TOPBP1: variants seen among roughly 807,000 people sequenced by gnomAD.
TOPBP1 encodes DNA topoisomerase 2-binding protein 1.
Under a neutral mutation model 167.7 loss-of-function variants are expected in TOPBP1, and 28 were observed. The observed-to-expected ratio is 0.17, with a 90% CI of 0.12 to 0.23. TOPBP1 has a LOEUF of 0.23. Among genes scored for constraint, TOPBP1 ranks in the 10% least tolerant of loss-of-function variants. The pLI, the probability that TOPBP1 is intolerant of heterozygous loss-of-function variation, is 1.00. For missense variants in TOPBP1, 1,554 were observed against 1,809.6 expected, an observed-to-expected ratio of 0.86 and a Z score of 2.56; for synonymous variants, 598 against 611.4, an observed-to-expected ratio of 0.98 and a Z score of 0.32.
intron 17 of TOPBP1, 141 bp from the exon 18 acceptor site, chr3:133,623,598 CT>C: frequency 1.0e-6 from 1 of 962,398 alleles, no homozygotes; most frequent in Non-Finnish European, 1.4e-6. Flanking sequence ...GTAGTTTACA[CT>C]GAAAAATTTG....
intron 9 of TOPBP1, 24 bp from the exon 10 acceptor site, chr3:133,649,657 G>A: frequency 3.1e-6 from 5 of 1,609,880 alleles, no homozygotes; most frequent in South Asian, 1.1e-5. Context: ...ACATAGTTAT[G>A]TATTAGTGCA....
Position 133,649,639 on chromosome 3 carries a change from A to G in TOPBP1, c.1254-6T>C. On this transcript the variant is annotated splice_region_variant and splice_polypyrimidine_tract_variant and intron_variant, in intron 9 of 27. Transcript: ENST00000260810. ...TTGCTCCCACTACATGAGGCCTACA[A>G]AAATAGCACATAGTTATGTATTAGT... The G allele has an allele frequency of 6.2e-7, 1 of 1,612,696 alleles. No individual in the cohort carries two copies. Among genetic ancestry groups the G allele is most frequent in the Non-Finnish European group, 8.5e-7 (1 of 1,179,360 alleles).
chr3:133,639,792 T>C (rs995521026), intron 13 of TOPBP1, among the ~76,000 whole-genome samples, 167 bp downstream of exon 13: 1 of 152,084 alleles, frequency 6.6e-6, no homozygotes, highest in Non-Finnish European at 1.5e-5. Context: ...CAACAGTAAA[T>C]AGGAGCCAAG....
At chr3:133,642,179 T>C (rs1185466007) in intron 12 of TOPBP1, among the ~76,000 whole-genome samples, 1 of 152,074 alleles carries the variant, frequency 6.6e-6, no homozygotes, top group Non-Finnish European at 1.5e-5. Context: ...ATTTTTTAAA[T>C]AGAGACGAGG....
intron 17 of TOPBP1, among the ~76,000 whole-genome samples, 199 bp from the exon 18 acceptor site, chr3:133,623,656 A>G (rs1935173105): frequency 6.6e-6 from 1 of 152,244 alleles, no homozygotes; most frequent in Admixed American, 6.5e-5. Flanking sequence ...TGTCATATCC[A>G]CTGAAGTATA....
chr3:133,636,341 C>T (rs1156461415), intron 14 of TOPBP1, among the ~76,000 whole-genome samples: 1 of 151,484 alleles, frequency 6.6e-6, no homozygotes, highest in East Asian at 1.9e-4. Context: ...TTCCATGGGC[C>T]CTTTCATGTT....
At chr3:133,646,163 C>A in intron 10 of TOPBP1, among the ~76,000 whole-genome samples, 1 of 151,696 alleles carries the variant, frequency 6.6e-6, no homozygotes, top group East Asian at 1.9e-4. Context: ...AAACAAAAAA[C>A]TCCCTTAAAT....
intron 21 of TOPBP1, 122 bp from the exon 22 acceptor site, chr3:133,617,448 G>T: frequency 8.8e-7 from 1 of 1,142,346 alleles, no homozygotes; most frequent in Non-Finnish European, 1.2e-6. Flanking sequence ...AATGTAAAAA[G>T]TACAGGCAAA....
At chr3:133,626,634 C>T (rs140023809) in intron 16 of TOPBP1, among the ~76,000 whole-genome samples, 2 of 152,288 alleles carry the variant, frequency 1.3e-5, no homozygotes, top group East Asian at 1.9e-4. Flanking sequence ...GTCCCCAGAT[C>T]GGTCTCAGCC....
At chr3:133,610,274 G>A (rs1417626619) in intron 25 of TOPBP1, among the ~76,000 whole-genome samples, 1 of 152,184 alleles carries the variant, frequency 6.6e-6, no homozygotes, top group Non-Finnish European at 1.5e-5. Flanking sequence ...AATCTGAGAT[G>A]AAGAGTGCTA....
intron 12 of TOPBP1, among the ~76,000 whole-genome samples, chr3:133,641,392 G>T (rs546541946): frequency 1.3e-5 from 2 of 152,128 alleles, no homozygotes; most frequent in Non-Finnish European, 2.9e-5. Flanking sequence ...CTGAGACAGG[G>T]TCTTGCTCTG....
chr3:133,616,792 G>T, intron 23 of TOPBP1, 22 bp downstream of exon 23: 1 of 1,374,166 alleles, frequency 7.3e-7, no homozygotes. Flanking sequence ...GGACATTTTG[G>T]ATTTAAGTAA....
In TOPBP1 at chr3:133,601,108, C is replaced by A; in HGVS notation, c.*142G>T. The A allele has an allele frequency of 1.6e-6, 1 of 618,008 alleles. No homozygotes were observed. The allele number at this position is 618,008 out of a possible 1,614,324, so 38.3% of individuals were successfully genotyped here. ...TGATTACAATTTCAGGTGTTCAAAACTCAAGAAGGGTCATCATTATACTCT... is the reference window on the plus strand; with the variant it reads ...TGATTACAATTTCAGGTGTTCAAAAATCAAGAAGGGTCATCATTATACTCT... On this transcript the variant is annotated 3_prime_UTR_variant, in exon 28 of 28. Transcript: ENST00000260810.
rs1468419923 is a variant in TOPBP1, at chr3:133,606,931, A to T, written c.4425+1604T>A. ...AGAAAAAAATATTAAATACACACAC[A>T]CACACCAACAAACAAACAAACAAAC... On this transcript the variant is annotated intron_variant, in intron 27 of 27. Coordinates refer to ENST00000260810, the MANE Select transcript of TOPBP1 (RefSeq NM_007027.4). 2.0e-5 allele frequency among the ~76,000 whole-genome samples: 3 copies of T among 152,286 alleles called. No individual in the cohort carries two copies. The East Asian group carries it at 5.8e-4, about 29-fold the overall frequency.
At position 133,608,522 on chromosome 3, in the gene TOPBP1, G is replaced by A. The variant is rs1272608748; in HGVS notation, c.4425+13C>T. ...TCTGGTAATGAGGAGGTCAAGGATA[G>A]AATCTCACAAACCTGCATGAGATAA... On this transcript the variant is annotated intron_variant, in intron 27 of 27. Coordinates refer to ENST00000260810, the MANE Select transcript of TOPBP1 (RefSeq NM_007027.4). The A allele has an allele frequency of 6.2e-7, 1 of 1,612,680 alleles. No individual in the cohort carries two copies. The highest frequency in any genetic ancestry group is 8.5e-7 in the Non-Finnish European group (1 of 1,179,350).
intron 27 of TOPBP1, 58 bp downstream of exon 27, chr3:133,608,477 T>A: frequency 6.3e-7 from 1 of 1,581,020 alleles, no homozygotes. Flanking sequence ...CAGTTACTTA[T>A]CTATGCACAT....
chr3:133,623,252 C>T, intron 18 of TOPBP1, 59 bp from the exon 19 acceptor site: 1 of 1,611,672 alleles, frequency 6.2e-7, no homozygotes, highest in Non-Finnish European at 8.5e-7. Flanking sequence ...GGTTTCATAG[C>T]AATATATGAT....
At chr3:133,611,167 A>C (rs1934663165) in intron 24 of TOPBP1, 26 bp from the exon 25 acceptor site, 1 of 1,601,080 alleles carries the variant, frequency 6.2e-7, no homozygotes. Flanking sequence ...AACAAACCTG[A>C]GTTGTTACAG....
chr3:133,656,921 CTA>C, intron 4 of TOPBP1, 64 bp from the exon 5 acceptor site: 1 of 1,362,914 alleles, frequency 7.3e-7, no homozygotes, highest in East Asian at 2.6e-5. Flanking sequence ...CTTTTATACA[CTA>C]TCTCATAAAT....
Sources: gnomAD v4.1 joint callset for allele counts (sites outside exome capture counted in the v4.1 genomes callset) on GRCh38, gnomAD v4.1.1 for gene constraint, MANE v1.5 for transcripts, NCBI Gene and HGNC (gene_info 2026-07-23, HGNC 2026-07-21) for gene names.